JARID2: variants seen among roughly 807,000 people sequenced by gnomAD.
The protein encoded by JARID2 is protein Jumonji.
Under a neutral mutation model 125.6 loss-of-function variants are expected in JARID2, and 21 were observed. The observed-to-expected ratio is 0.17, with a 90% CI of 0.12 to 0.24. JARID2 has a LOEUF of 0.24. JARID2 is among the 10% of genes least tolerant of loss of function. The pLI is 1.00. For missense variants in JARID2, 1,303 were observed against 1,639.6 expected (o/e 0.79, Z 3.55); for synonymous variants, 736 against 661.6 (o/e 1.11, Z -1.73).
intron 1 of JARID2, among the ~76,000 whole-genome samples, chr6:15,345,976 A>G (rs1032024849): frequency 6.6e-6 from 1 of 152,192 alleles, no homozygotes; most frequent in African/African-American, 2.4e-5. Flanking sequence ...TATGAAACAT[A>G]CATTCCGTAA....
intron 1 of JARID2, among the ~76,000 whole-genome samples, chr6:15,250,728 G>C (rs1180186141): frequency 6.6e-6 from 1 of 152,130 alleles, no homozygotes; most frequent in Non-Finnish European, 1.5e-5. Flanking sequence ...TTTGGTACTC[G>C]GTAATGCCTG....
chr6:15,329,779 A>T (rs1473261009), intron 1 of JARID2, among the ~76,000 whole-genome samples: 1 of 152,206 alleles, frequency 6.6e-6, no homozygotes, highest in Admixed American at 6.5e-5. Context: ...GAGGGGAGGA[A>T]AAAGAAGGCC....
intron 2 of JARID2, among the ~76,000 whole-genome samples, chr6:15,378,279 TTTAA>T (rs1404599679): frequency 6.6e-6 from 1 of 152,100 alleles, no homozygotes; most frequent in Non-Finnish European, 1.5e-5. Flanking sequence ...TTCATTAATT[TTTAA>T]TTGTCACAGA....
At chr6:15,383,309 T>C (rs1764660836) in intron 2 of JARID2, among the ~76,000 whole-genome samples, 1 of 151,914 alleles carries the variant, frequency 6.6e-6, no homozygotes, top group Non-Finnish European at 1.5e-5. Flanking sequence ...TTGGGATTTT[T>C]TTTTTTTTTT....
At position 15,326,654 on chromosome 6, in the gene JARID2, A is replaced by T. The variant is rs547441149; in HGVS notation, c.46-47463A>T. On this transcript the variant is annotated intron_variant, in intron 1 of 17. Coordinates refer to ENST00000341776, the MANE Select transcript of JARID2 (RefSeq NM_004973.4). ...GTAGCTGGGACTACAGGTATGTGCCACTGCACATGGATAATTTTGTATTTT... is the reference window on the plus strand; with the variant it reads ...GTAGCTGGGACTACAGGTATGTGCCTCTGCACATGGATAATTTTGTATTTT... 1.3e-3 allele frequency among the ~76,000 whole-genome samples: 200 copies of T among 152,306 alleles called. 4 individuals carry two copies. The highest frequency in any genetic ancestry group is 0.013 in the Admixed American group (199 of 15,308).
At chr6:15,252,136 A>G (rs1258513478) in intron 1 of JARID2, among the ~76,000 whole-genome samples, 1 of 152,214 alleles carries the variant, frequency 6.6e-6, no homozygotes, top group Non-Finnish European at 1.5e-5. Context: ...TTCCCTTTTA[A>G]GAACCAAACT....
chr6:15,485,587 T>C (rs560249748), intron 5 of JARID2, among the ~76,000 whole-genome samples: 4 of 152,338 alleles, frequency 2.6e-5, no homozygotes, highest in African/African-American at 9.6e-5. Flanking sequence ...GCTTGATTAA[T>C]CACTTTATAC....
At chr6:15,359,105 AGT>A (rs1306257238) in intron 1 of JARID2, among the ~76,000 whole-genome samples, 1 of 152,242 alleles carries the variant, frequency 6.6e-6, no homozygotes, top group African/African-American at 2.4e-5. Flanking sequence ...TAGGAAATGC[AGT>A]GAAGAATGTT....
chr6:15,274,002 C>G (rs1338360847), intron 1 of JARID2, among the ~76,000 whole-genome samples: 2 of 151,578 alleles, frequency 1.3e-5, no homozygotes, highest in Admixed American at 6.6e-5. Context: ...GATCTCAGCT[C>G]ACTGTGGCCT....
chr6:15,320,852 C>CTCTCTGTGTGTGTG lies in JARID2; in HGVS notation c.46-53264_46-53263insCTCTGTGTGTGTGT, dbSNP rs541608020. Among the ~76,000 whole-genome samples, 4 of 145,314 alleles carry CTCTCTGTGTGTGTG rather than the reference C, an allele frequency of 2.8e-5. No homozygotes were observed. In the Admixed American group the frequency reaches 2.8e-4, roughly 10 times the overall value. The stretch of plus-strand genomic sequence containing the variant: ...AATATGATTCATTCTCTCTCTCTCT[C>CTCTCTGTGTGTGTG]TGTGTGTGTGTGTGTGTGTGTGTGT... On this transcript the variant is annotated intron_variant, in intron 1 of 17. Transcript: ENST00000341776.
At chr6:15,331,877 A>T (rs2127456526) in intron 1 of JARID2, among the ~76,000 whole-genome samples, 1 of 152,298 alleles carries the variant, frequency 6.6e-6, no homozygotes, top group South Asian at 2.1e-4. Context: ...GTTTCTTAAA[A>T]TAAACAGGTG....
chr6:15,328,915 A>T (rs1762617749), intron 1 of JARID2, among the ~76,000 whole-genome samples: 1 of 152,212 alleles, frequency 6.6e-6, no homozygotes, highest in Non-Finnish European at 1.5e-5. Context: ...ATGGGCATGG[A>T]GGCACCTGCC....
intron 1 of JARID2, among the ~76,000 whole-genome samples, chr6:15,326,927 C>T (rs1762551344): frequency 6.6e-6 from 1 of 152,234 alleles, no homozygotes; most frequent in Admixed American, 6.5e-5. Flanking sequence ...AAGGTCTATA[C>T]ATTGATACTG....
intron 1 of JARID2, among the ~76,000 whole-genome samples, chr6:15,258,259 A>C (rs1404629341): frequency 6.6e-6 from 1 of 152,176 alleles, no homozygotes; most frequent in Non-Finnish European, 1.5e-5. Context: ...TCTGAGGGGC[A>C]TTTACAGTTT....
At chr6:15,277,245 C>T (rs1042835871) in intron 1 of JARID2, among the ~76,000 whole-genome samples, 5 of 152,098 alleles carry the variant, frequency 3.3e-5, no homozygotes, top group African/African-American at 1.2e-4. Context: ...GGAGTATATG[C>T]AGGGGCTGGA....
At chr6:15,255,060 C>G (rs1284272119) in intron 1 of JARID2, among the ~76,000 whole-genome samples, 1 of 151,098 alleles carries the variant, frequency 6.6e-6, no homozygotes, top group Non-Finnish European at 1.5e-5. Flanking sequence ...ACAAAAACAA[C>G]CACTGTGTAA....
intron 1 of JARID2, among the ~76,000 whole-genome samples, chr6:15,311,090 A>C (rs1197408434): frequency 6.6e-6 from 1 of 152,144 alleles, no homozygotes; most frequent in Non-Finnish European, 1.5e-5. Context: ...ATTCTCTAAT[A>C]AGCTGTTGGT....
At chr6:15,324,336 AT>A (rs1034195136) in intron 1 of JARID2, 1 of 152,002 alleles carries the variant, frequency 6.6e-6, no homozygotes, top group African/African-American at 2.4e-5. Flanking sequence ...GAGTTTTATA[AT>A]TTTTTCCCCC....
chr6:15,279,027 G>A (rs901626949), intron 1 of JARID2, among the ~76,000 whole-genome samples: 1 of 151,050 alleles, frequency 6.6e-6, no homozygotes, highest in Non-Finnish European at 1.5e-5. Context: ...GGAGGTGGAG[G>A]TTGCAGTGAG....
Sources: gnomAD v4.1 joint callset for allele counts (sites outside exome capture counted in the v4.1 genomes callset) on GRCh38, gnomAD v4.1.1 for gene constraint, MANE v1.5 for transcripts, NCBI Gene and HGNC (gene_info 2026-07-23, HGNC 2026-07-21) for gene names.